Variants in NGEF observed in about 807,000 individuals in gnomAD.
NGEF encodes the protein ephexin-1.
NGEF carries 31 observed loss-of-function variants against 80.9 expected under a neutral mutation model. The observed-to-expected ratio is 0.38, with a 90% CI of 0.29 to 0.52. NGEF has a LOEUF of 0.52. Among genes scored for constraint, NGEF ranks in the 20% least tolerant of loss-of-function variants. NGEF has a pLI of 0.84. For synonymous variants in NGEF, 371 were observed against 370.2 expected, an observed-to-expected ratio of 1.00 and a Z score of -0.03; for missense variants, 709 against 926.2, an observed-to-expected ratio of 0.77 and a Z score of 3.04.
chr2:232,941,779 G>A (rs1693442284), intron 3 of NGEF, among the ~76,000 whole-genome samples: 2 of 152,054 alleles, frequency 1.3e-5, no homozygotes, highest in African/African-American at 4.8e-5. Context: ...GATTTATTTG[G>A]GGGAAAAACA....
intron 3 of NGEF, among the ~76,000 whole-genome samples, chr2:232,941,005 C>T (rs1220662377): frequency 1.3e-5 from 2 of 151,270 alleles, no homozygotes; most frequent in African/African-American, 2.4e-5. Context: ...TGCGGGAGAC[C>T]AGAGTTTTAT....
chr2:232,947,594 G>A (rs1323839049), intron 3 of NGEF, among the ~76,000 whole-genome samples: 1 of 152,200 alleles, frequency 6.6e-6, no homozygotes. Flanking sequence ...GCTGCCATGT[G>A]AGATGTGTCT....
intron 6 of NGEF, 22 bp downstream of exon 6, chr2:232,894,734 T>G (rs1559196036): frequency 8.5e-6 from 13 of 1,538,074 alleles, no homozygotes; most frequent in Non-Finnish European, 1.2e-5. Flanking sequence ...CTGAGGGAGG[T>G]GGCTGTCCCC....
chr2:232,924,162 G>T (rs1250532424), intron 4 of NGEF, among the ~76,000 whole-genome samples: 1 of 152,112 alleles, frequency 6.6e-6, no homozygotes. Flanking sequence ...ACTTGAACCC[G>T]GGAGGAGGAG....
intron 5 of NGEF, among the ~76,000 whole-genome samples, chr2:232,898,441 T>C (rs1260493590): frequency 6.6e-6 from 1 of 152,240 alleles, no homozygotes; most frequent in Non-Finnish European, 1.5e-5. Flanking sequence ...TCGGTATGGC[T>C]GAGGCTCATT....
chr2:232,898,266 A>G (rs1692161911), intron 5 of NGEF, among the ~76,000 whole-genome samples: 1 of 152,212 alleles, frequency 6.6e-6, no homozygotes, highest in Non-Finnish European at 1.5e-5. Context: ...ATGCCATTAA[A>G]CCACATGGCC....
At chr2:232,883,065 ACACACACACACACACACG>A (rs1446182858) in intron 12 of NGEF, among the ~76,000 whole-genome samples, 16 of 143,342 alleles carry the variant, frequency 1.1e-4, no homozygotes, top group East Asian at 8.3e-4. Context: ...ACACACACAC[ACACACACACACACACACG>A]CACACACGCA....
At chr2:232,989,382 A>G (rs1006815537) in intron 1 of NGEF, among the ~76,000 whole-genome samples, 3 of 152,174 alleles carry the variant, frequency 2.0e-5, no homozygotes, top group Non-Finnish European at 4.4e-5. Flanking sequence ...CGGGAGGCAG[A>G]GTTGCAGTGA....
chr2:232,897,135 G>A (rs1481186340), intron 5 of NGEF, among the ~76,000 whole-genome samples: 3 of 148,828 alleles, frequency 2.0e-5, no homozygotes, highest in Non-Finnish European at 4.5e-5. Context: ...GGTAGGGGGT[G>A]GAGGTGGGGG....
chr2:232,998,547 C>T (rs1484269307), intron 1 of NGEF, among the ~76,000 whole-genome samples: 2 of 152,216 alleles, frequency 1.3e-5, no homozygotes, highest in East Asian at 1.9e-4. Context: ...ACTCACCAGC[C>T]GGCTCATGCC....
chr2:232,994,326 C>T (rs1694732533), intron 1 of NGEF, among the ~76,000 whole-genome samples: 1 of 147,258 alleles, frequency 6.8e-6, no homozygotes, highest in Non-Finnish European at 1.5e-5. Context: ...GCCGAGTTTG[C>T]ACCACCCCAC....
At chr2:233,002,195 C>G (rs181042557) in intron 1 of NGEF, among the ~76,000 whole-genome samples, 3 of 151,792 alleles carry the variant, frequency 2.0e-5, no homozygotes, top group Non-Finnish European at 4.4e-5. Flanking sequence ...AGGAGGGACA[C>G]GAGTCAAACG....
intron 1 of NGEF, among the ~76,000 whole-genome samples, chr2:232,980,378 G>A (rs1023299252): frequency 6.6e-6 from 1 of 152,178 alleles, no homozygotes; most frequent in Non-Finnish European, 1.5e-5. Flanking sequence ...AGCAAGGTGG[G>A]TGTGGAGAGG....
chr2:232,925,433 C>T (rs964063309), intron 4 of NGEF, among the ~76,000 whole-genome samples: 6 of 152,346 alleles, frequency 3.9e-5, no homozygotes, highest in Non-Finnish European at 1.5e-5. Context: ...CAGCAGACAC[C>T]TGCAGGGGGT....
intron 6 of NGEF, 135 bp downstream of exon 6, chr2:232,894,621 A>T: frequency 1.1e-6 from 1 of 948,798 alleles, no homozygotes; most frequent in Non-Finnish European, 1.5e-6. Flanking sequence ...TCATTTATTT[A>T]TATTTTATTA....
intron 3 of NGEF, among the ~76,000 whole-genome samples, chr2:232,929,446 G>C (rs1400776375): frequency 6.6e-6 from 1 of 152,178 alleles, no homozygotes; most frequent in African/African-American, 2.4e-5. Flanking sequence ...TCTAGAAAAG[G>C]GTGTTCAGGT....
At chr2:232,924,878 C>T (rs1012871112) in intron 4 of NGEF, among the ~76,000 whole-genome samples, 7 of 152,156 alleles carry the variant, frequency 4.6e-5, no homozygotes, top group Admixed American at 3.3e-4. Context: ...ATTTAGACAC[C>T]AGTGTTTCTG....
rs192899776 is a variant in NGEF, at chr2:232,945,147, C to T, written c.384-17961G>A. ...AATAAATTCTAGAATTGAAAATAAA[C>T]CAAAACAAATGAACCTAAGTGATTA... On this transcript the variant is annotated intron_variant, in intron 3 of 14. Transcript: ENST00000264051. Among the ~76,000 whole-genome samples, 183 of 151,926 alleles carry T rather than the reference C, an allele frequency of 1.2e-3. 2 individuals are homozygous for T. Among genetic ancestry groups the T allele is most frequent in the Admixed American group, 3.7e-3 (57 of 15,270 alleles).
Position 232,927,079 on chromosome 2 carries a change from G to A in NGEF, c.491C>T (p.Pro164Leu). 6.2e-7 allele frequency: 1 copy of A among 1,613,988 alleles called. No homozygotes were observed. The highest frequency in any genetic ancestry group is 8.5e-7 in the Non-Finnish European group (1 of 1,180,006). ...TEALRMIHPI[P>L]ADSWRNLIEQ... Reference sequence around the variant, plus strand: ...AATGAGGTTTCTCCAGGAGTCGGCGGGAATGGGGTGGATCATCCGCAGGGC... The same window carrying A: ...AATGAGGTTTCTCCAGGAGTCGGCGAGAATGGGGTGGATCATCCGCAGGGC... The change falls in exon 4 of 15, where the codon CCC (proline) becomes CTC (leucine). Residue 164 changes from proline (P) to leucine (L), a missense_variant. Physicochemically the swap from Pro to Leu is moderately conservative, Grantham distance 98. This residue lies in a region of NGEF where 283 missense variants were observed against 303.4 expected (regional missense o/e 0.93). Coordinates refer to ENST00000264051, the MANE Select transcript of NGEF (RefSeq NM_019850.3).
Sources: gnomAD v4.1 joint callset for allele counts (sites outside exome capture counted in the v4.1 genomes callset) on GRCh38, gnomAD v4.1.1 for gene constraint, gnomAD v4.1.1 regional missense constraint, MANE v1.5 for transcripts, NCBI Gene and HGNC (gene_info 2026-07-23, HGNC 2026-07-21) for gene names.